Variants in NELL1 observed in about 807,000 individuals in gnomAD.
The protein encoded by NELL1 is neural EGFL like 1, also known as protein kinase C-binding protein NELL1.
A neutral mutation model predicts 107.4 loss-of-function variants in NELL1; 76 were observed. The ratio of observed to expected loss-of-function variants is 0.71; its 90% CI spans 0.59 to 0.86. The LOEUF (loss-of-function observed/expected upper bound fraction) is 0.86, where lower values mean the gene tolerates loss of function less well. Among genes scored for constraint, NELL1 ranks in the 40% least tolerant of loss-of-function variants. NELL1 has a pLI of 0.00. For missense variants in NELL1, 1,024 were observed against 1,005.5 expected, an observed-to-expected ratio of 1.02 and a Z score of -0.25; for synonymous variants, 353 against 341.2, an observed-to-expected ratio of 1.03 and a Z score of -0.38.
chr11:21,548,213 T>C (rs1297930276), intron 16 of NELL1, among the ~76,000 whole-genome samples: 1 of 151,922 alleles, frequency 6.6e-6, no homozygotes, highest in African/African-American at 2.4e-5. Flanking sequence ...TCTACTCCAA[T>C]AAATTGTAAT....
chr11:21,485,164 A>G (rs1490471485), intron 15 of NELL1, among the ~76,000 whole-genome samples: 1 of 152,122 alleles, frequency 6.6e-6, no homozygotes, highest in Non-Finnish European at 1.5e-5. Context: ...AAGCTTCAGA[A>G]AAGGAATTCA....
chr11:20,911,753 T>C (rs1189550068), intron 5 of NELL1, among the ~76,000 whole-genome samples: 5 of 152,168 alleles, frequency 3.3e-5, no homozygotes, highest in Admixed American at 6.5e-5. Flanking sequence ...GAATGGCTCA[T>C]TACAAAGATA....
At chr11:21,543,960 T>G (rs547535333) in intron 16 of NELL1, among the ~76,000 whole-genome samples, 2 of 152,138 alleles carry the variant, frequency 1.3e-5, no homozygotes, top group South Asian at 4.1e-4. Flanking sequence ...GAACCTCAGA[T>G]GAGCAGTAGG....
chr11:21,283,400 G>T (rs1436129536), intron 14 of NELL1, among the ~76,000 whole-genome samples: 1 of 152,136 alleles, frequency 6.6e-6, no homozygotes, highest in Non-Finnish European at 1.5e-5. Context: ...TAGTGGAAGA[G>T]GTTGTGCTTA....
At chr11:21,548,616 A>G (rs1040297478) in intron 16 of NELL1, among the ~76,000 whole-genome samples, 4 of 151,788 alleles carry the variant, frequency 2.6e-5, no homozygotes, top group African/African-American at 9.7e-5. Flanking sequence ...CTCCCACAAC[A>G]TGTGGGAATT....
intron 3 of NELL1, among the ~76,000 whole-genome samples, chr11:20,818,581 T>A (rs750723403): frequency 6.6e-6 from 1 of 152,188 alleles, no homozygotes; most frequent in Non-Finnish European, 1.5e-5. Context: ...TGGTGAGTTA[T>A]CTTTAAATAT....
intron 15 of NELL1, among the ~76,000 whole-genome samples, chr11:21,410,490 C>CT (rs113421578): frequency 3.3e-5 from 5 of 151,972 alleles, no homozygotes; most frequent in African/African-American, 1.2e-4. Flanking sequence ...ATTTTTTATT[C>CT]TTTTTTACAT....
intron 12 of NELL1, among the ~76,000 whole-genome samples, chr11:21,072,090 G>A (rs550892019): frequency 7.9e-5 from 12 of 152,112 alleles, no homozygotes; most frequent in Non-Finnish European, 1.5e-4. Context: ...ATTTAAACTA[G>A]CAACTAAGAT....
intron 12 of NELL1, among the ~76,000 whole-genome samples, chr11:21,056,594 C>T (rs966079176): frequency 6.6e-6 from 1 of 152,148 alleles, no homozygotes; most frequent in African/African-American, 2.4e-5. Flanking sequence ...TTTAAAGGAA[C>T]ATTCATTTGA....
At chr11:21,311,060 G>A (rs1849739428) in intron 14 of NELL1, among the ~76,000 whole-genome samples, 1 of 152,066 alleles carries the variant, frequency 6.6e-6, no homozygotes, top group Non-Finnish European at 1.5e-5. Flanking sequence ...AACAAAATCT[G>A]TAGCTTTACT....
chr11:21,167,664 T>C (rs527746034), intron 13 of NELL1, among the ~76,000 whole-genome samples: 1 of 151,938 alleles, frequency 6.6e-6, no homozygotes, highest in East Asian at 1.9e-4. Context: ...CCTTCTGGAG[T>C]ATGAGTCTCC....
intron 13 of NELL1, among the ~76,000 whole-genome samples, chr11:21,192,917 C>T (rs1424023782): frequency 4.6e-5 from 7 of 151,784 alleles, no homozygotes; most frequent in East Asian, 3.9e-4. Context: ...AAGAGGAAGG[C>T]GGACATCGTG....
intron 12 of NELL1, among the ~76,000 whole-genome samples, chr11:21,073,447 A>G (rs1354730871): frequency 1.3e-5 from 2 of 152,184 alleles, no homozygotes; most frequent in Non-Finnish European, 2.9e-5. Flanking sequence ...AGTACAACTT[A>G]TCTAACGAAT....
chr11:21,077,844 T>TAAGA (rs1454226120), intron 12 of NELL1, among the ~76,000 whole-genome samples: 2 of 152,014 alleles, frequency 1.3e-5, no homozygotes, highest in Non-Finnish European at 2.9e-5. Context: ...AATTAAGAAG[T>TAAGA]TGTCTTAGAA....
At chr11:21,333,730 G>A (rs1254140037) in intron 14 of NELL1, among the ~76,000 whole-genome samples, 2 of 152,030 alleles carry the variant, frequency 1.3e-5, no homozygotes, top group Non-Finnish European at 2.9e-5. Context: ...AGGAGACCTA[G>A]TAGTGATTGT....
intron 15 of NELL1, among the ~76,000 whole-genome samples, chr11:21,496,180 T>G (rs943386073): frequency 6.6e-6 from 1 of 151,934 alleles, no homozygotes; most frequent in Non-Finnish European, 1.5e-5. Context: ...TTGTAGTAAT[T>G]TATATTTTTT....
intron 2 of NELL1, among the ~76,000 whole-genome samples, chr11:20,713,026 C>A (rs964759029): frequency 2.6e-5 from 4 of 152,204 alleles, no homozygotes; most frequent in African/African-American, 7.2e-5. Context: ...AGTGGAATTA[C>A]CTGTTGTTTT....
chr11:21,375,151 T>C (rs575349095), intron 15 of NELL1, among the ~76,000 whole-genome samples: 1 of 152,218 alleles, frequency 6.6e-6, no homozygotes, highest in African/African-American at 2.4e-5. Flanking sequence ...AGTAATCCTG[T>C]CACTTAGGTA....
At chr11:21,021,494 T>A (rs1441988873) in intron 12 of NELL1, among the ~76,000 whole-genome samples, 1 of 152,136 alleles carries the variant, frequency 6.6e-6, no homozygotes, top group Non-Finnish European at 1.5e-5. Context: ...ATTTTCATTA[T>A]CAGAGCACGT....
Sources: allele counts gnomAD v4.1 joint callset (sites outside exome capture counted in the v4.1 genomes callset), GRCh38; gene constraint gnomAD v4.1.1; transcripts MANE v1.5; gene names NCBI Gene and HGNC (gene_info 2026-07-23, HGNC 2026-07-21).